CDKAL1: variants seen among roughly 807,000 people sequenced by gnomAD.
CDKAL1 encodes the protein threonylcarbamoyladenosine tRNA methylthiotransferase.
A neutral mutation model predicts 68.2 loss-of-function variants in CDKAL1; 32 were observed. The observed-to-expected ratio is 0.47, with a 90% CI of 0.35 to 0.63. The LOEUF (loss-of-function observed/expected upper bound fraction) is 0.63. Ranked by LOEUF, CDKAL1 falls within the 30% of genes least tolerant of loss-of-function variation. The pLI is 0.00. For synonymous variants in CDKAL1, 234 were observed against 244.3 expected (o/e 0.96, Z 0.39); for missense variants, 606 against 696.7 (o/e 0.87, Z 1.47).
intron 4 of CDKAL1, among the ~76,000 whole-genome samples, chr6:20,598,618 A>G (rs180938496): frequency 2.6e-5 from 4 of 152,368 alleles, no homozygotes; most frequent in Admixed American, 1.3e-4. Flanking sequence ...TCATTAAAAT[A>G]TACATATGAA....
chr6:21,057,258 A>G (rs1448340415), intron 11 of CDKAL1, among the ~76,000 whole-genome samples: 1 of 152,004 alleles, frequency 6.6e-6, no homozygotes, highest in South Asian at 2.1e-4. Context: ...GGGAGGGTGT[A>G]TGTGTCCAGG....
At chr6:21,068,795 G>A (rs1284914367) in intron 12 of CDKAL1, among the ~76,000 whole-genome samples, 1 of 152,022 alleles carries the variant, frequency 6.6e-6, no homozygotes, top group Non-Finnish European at 1.5e-5. Flanking sequence ...TAGGTCATTT[G>A]GGGGAAACTG....
rs147165474 is a variant in CDKAL1 at position 20,742,396 on chromosome 6, G to C, written c.468+2781G>C. Among the ~76,000 whole-genome samples the C allele has an allele frequency of 2.4e-3, 369 of 152,158 alleles. 2 individuals are homozygous for C. Among genetic ancestry groups the C allele is most frequent in the African/African-American group, 8.2e-3 (342 of 41,542 alleles). On this transcript the variant is annotated intron_variant, in intron 6 of 15. Transcript: ENST00000274695. ...GAGAAATAAGAACACATTTTGAAGA[G>C]TGAGTAGAAATAAAATCTATATTTC...
chr6:20,727,743 T>A (rs970390168), intron 5 of CDKAL1, among the ~76,000 whole-genome samples: 4 of 152,100 alleles, frequency 2.6e-5, no homozygotes, highest in Admixed American at 6.6e-5. Context: ...CAGCTGAAAA[T>A]AGTTCTTATG....
chr6:20,907,195 A>C (rs1362092400), intron 9 of CDKAL1, among the ~76,000 whole-genome samples: 1 of 152,172 alleles, frequency 6.6e-6, no homozygotes, highest in East Asian at 1.9e-4. Context: ...AATATGTCTT[A>C]ACTGTATACT....
At chr6:20,931,374 C>T (rs1342579661) in intron 9 of CDKAL1, among the ~76,000 whole-genome samples, 1 of 152,116 alleles carries the variant, frequency 6.6e-6, no homozygotes, top group African/African-American at 2.4e-5. Context: ...CCAGTGTCAC[C>T]ATACAATTTT....
intron 9 of CDKAL1, among the ~76,000 whole-genome samples, chr6:20,876,476 C>G (rs1760522647): frequency 6.6e-6 from 1 of 152,170 alleles, no homozygotes; most frequent in Admixed American, 6.5e-5. Flanking sequence ...ATGTAGTGGA[C>G]ATATTTTAGG....
chr6:20,548,835 C>T, intron 4 of CDKAL1, 130 bp downstream of exon 4: 2 of 530,086 alleles, frequency 3.8e-6, no homozygotes, highest in East Asian at 6.4e-5. Flanking sequence ...AGTTATTACA[C>T]ATTTTGTAGA....
At chr6:20,603,977 G>C (rs182713580) in intron 4 of CDKAL1, among the ~76,000 whole-genome samples, 1 of 150,234 alleles carries the variant, frequency 6.7e-6, no homozygotes, top group Non-Finnish European at 1.5e-5. Flanking sequence ...TATCTTGGTG[G>C]TCAGAGACCT....
chr6:20,963,532 G>A (rs1765158563), intron 10 of CDKAL1, among the ~76,000 whole-genome samples: 1 of 152,166 alleles, frequency 6.6e-6, no homozygotes, highest in Non-Finnish European at 1.5e-5. Context: ...GGGTGAGTAA[G>A]CCTCATGATT....
intron 8 of CDKAL1, among the ~76,000 whole-genome samples, chr6:20,787,824 C>T (rs1213246137): frequency 2.0e-5 from 3 of 152,140 alleles, no homozygotes; most frequent in Non-Finnish European, 2.9e-5. Flanking sequence ...GGCAGTTTAA[C>T]GTCACTACAG....
chr6:20,828,929 A>G (rs1371320638), intron 8 of CDKAL1, among the ~76,000 whole-genome samples: 2 of 152,134 alleles, frequency 1.3e-5, no homozygotes, highest in Non-Finnish European at 2.9e-5. Context: ...ATATAAGTAG[A>G]ATCGTATAGT....
intron 8 of CDKAL1, among the ~76,000 whole-genome samples, chr6:20,799,040 GTTTTTTTTTTTT>G (rs754008816): frequency 5.3e-4 from 25 of 47,508 alleles, no homozygotes; most frequent in South Asian, 2.2e-3. Flanking sequence ...AAAGAACTGA[GTTTTTTTTTTTT>G]TTTTTTTTTT....
At chr6:21,081,463 A>C (rs1170901611) in intron 12 of CDKAL1, among the ~76,000 whole-genome samples, 1 of 152,182 alleles carries the variant, frequency 6.6e-6, no homozygotes, top group African/African-American at 2.4e-5. Context: ...TGATTTATTA[A>C]AATTGTAATA....
intron 5 of CDKAL1, among the ~76,000 whole-genome samples, chr6:20,693,539 C>G (rs1770967783): frequency 6.6e-6 from 1 of 152,162 alleles, no homozygotes; most frequent in Non-Finnish European, 1.5e-5. Context: ...AATTCTATTT[C>G]CAGATAGATA....
chr6:20,982,452 G>A (rs182550542), intron 10 of CDKAL1, among the ~76,000 whole-genome samples: 1 of 152,086 alleles, frequency 6.6e-6, no homozygotes, highest in Non-Finnish European at 1.5e-5. Flanking sequence ...CTTTAGCCAG[G>A]TTAACATAAG....
chr6:21,210,006 A>G (rs191386618), intron 15 of CDKAL1, among the ~76,000 whole-genome samples: 9 of 152,324 alleles, frequency 5.9e-5, no homozygotes, highest in African/African-American at 9.6e-5. Flanking sequence ...TGCCTTGATA[A>G]TATCTGTCTG....
chr6:20,550,794 C>T (rs1763789682), intron 4 of CDKAL1, among the ~76,000 whole-genome samples: 1 of 150,598 alleles, frequency 6.6e-6, no homozygotes, highest in Non-Finnish European at 1.5e-5. Context: ...TGTTATCTTG[C>T]TTAGTCCTTG....
intron 8 of CDKAL1, among the ~76,000 whole-genome samples, chr6:20,843,560 C>T (rs537026924): frequency 2.6e-5 from 4 of 152,126 alleles, no homozygotes; most frequent in African/African-American, 9.6e-5. Context: ...TTCATGTGCA[C>T]CTTATACGCA....
Sources: gnomAD v4.1 joint callset for allele counts (sites outside exome capture counted in the v4.1 genomes callset) on GRCh38, gnomAD v4.1.1 for gene constraint, MANE v1.5 for transcripts, NCBI Gene and HGNC (gene_info 2026-07-23, HGNC 2026-07-21) for gene names.